The following GPBP1L1 variants were observed in gnomAD, a reference collection of about 807,000 sequenced individuals.
GPBP1L1 encodes the protein GC-rich promoter binding protein 1 like 1.
GPBP1L1 carries 23 observed loss-of-function variants against 52.5 expected under a neutral mutation model. The observed-to-expected ratio is 0.44, with a 90% confidence interval of 0.32 to 0.62. GPBP1L1 has a LOEUF of 0.62. Ranked by LOEUF, GPBP1L1 falls within the 20% of genes least tolerant of loss-of-function variation. The probability of loss-of-function intolerance (pLI) is 0.06; values close to 1 mark genes in which losing one functional copy is unlikely to be tolerated. For synonymous variants in GPBP1L1, 243 were observed against 203.1 expected (o/e 1.20, Z -1.67); for missense variants, 596 against 579.3 (o/e 1.03, Z -0.30).
At chr1:45,651,620 AG>A in intron 6 of GPBP1L1, 1 of 686,720 alleles carries the variant, frequency 1.5e-6, no homozygotes, top group Non-Finnish European at 2.7e-6. Context: ...CTGCATATAG[AG>A]GATGGCTCTC....
chr1:45,650,783 G>A (rs1385627897), intron 6 of GPBP1L1, among the ~76,000 whole-genome samples: 1 of 152,026 alleles, frequency 6.6e-6, no homozygotes, highest in Non-Finnish European at 1.5e-5. Context: ...TCTTTCCAAT[G>A]TATTACTCTC....
intron 2 of GPBP1L1, among the ~76,000 whole-genome samples, chr1:45,666,137 T>C (rs1360302182): frequency 2.6e-5 from 4 of 151,392 alleles, no homozygotes; most frequent in Admixed American, 2.6e-4. Flanking sequence ...CAAACACTTT[T>C]TTTTTTTAGA....
chr1:45,647,948 T>C (rs942161560), intron 6 of GPBP1L1, among the ~76,000 whole-genome samples: 2 of 152,056 alleles, frequency 1.3e-5, no homozygotes, highest in African/African-American at 4.8e-5. Flanking sequence ...TATGTTTTTT[T>C]CTTTTTTTTT....
chr1:45,681,468 T>C (rs186029193), intron 2 of GPBP1L1, among the ~76,000 whole-genome samples: 5 of 152,240 alleles, frequency 3.3e-5, no homozygotes, highest in Admixed American at 2.6e-4. Context: ...TGGCAGCCAA[T>C]TGCAGTTTGT....
chr1:45,635,930 A>G (rs1245407173), intron 8 of GPBP1L1, among the ~76,000 whole-genome samples: 1 of 152,168 alleles, frequency 6.6e-6, no homozygotes, highest in African/African-American at 2.4e-5. Flanking sequence ...CCTTATTGAA[A>G]TTAGGAGAAA....
At chr1:45,663,520 T>C (rs371328950) in intron 2 of GPBP1L1, among the ~76,000 whole-genome samples, 2 of 152,134 alleles carry the variant, frequency 1.3e-5, no homozygotes, top group African/African-American at 4.8e-5. Context: ...CTACTAACAA[T>C]TACTCACCCA....
intron 8 of GPBP1L1, chr1:45,635,579 C>T (rs181972891): frequency 6.6e-6 from 1 of 152,270 alleles, no homozygotes; most frequent in Admixed American, 6.5e-5. Context: ...GTAACTTAAA[C>T]CCTATGAGAT....
intron 9 of GPBP1L1, 41 bp downstream of exon 9, chr1:45,634,055 G>T: frequency 6.4e-7 from 1 of 1,552,424 alleles, no homozygotes; most frequent in South Asian, 1.2e-5. Flanking sequence ...AACGGGAAAT[G>T]GCAATTTCAG....
intron 2 of GPBP1L1, among the ~76,000 whole-genome samples, chr1:45,685,265 C>T (rs1336925892): frequency 1.3e-5 from 2 of 152,130 alleles, no homozygotes; most frequent in Non-Finnish European, 2.9e-5. Flanking sequence ...TACTAAATTA[C>T]AAATATAAGT....
At chr1:45,686,158 T>C (rs1034448524) in intron 1 of GPBP1L1, among the ~76,000 whole-genome samples, 10 of 152,216 alleles carry the variant, frequency 6.6e-5, no homozygotes, top group African/African-American at 2.4e-4. Context: ...GAAGTTAAAG[T>C]AGGAGCGCTT....
intron 8 of GPBP1L1, chr1:45,635,499 A>G (rs1644582578): frequency 6.6e-6 from 1 of 152,226 alleles, no homozygotes; most frequent in Non-Finnish European, 1.5e-5. Context: ...ACAGTAGTAC[A>G]AAAGATTTAC....
intron 2 of GPBP1L1, among the ~76,000 whole-genome samples, chr1:45,682,612 C>A (rs1178020145): frequency 6.6e-6 from 1 of 152,146 alleles, no homozygotes; most frequent in Non-Finnish European, 1.5e-5. Context: ...TACTCCCAAT[C>A]CCTAGTTTCT....
chr1:45,673,282 T>G (rs1263827771), intron 2 of GPBP1L1, among the ~76,000 whole-genome samples: 7 of 152,176 alleles, frequency 4.6e-5, no homozygotes, highest in Non-Finnish European at 8.8e-5. Flanking sequence ...CAGCAAGACC[T>G]TCAGCTAAAA....
At chr1:45,655,439 T>A in intron 4 of GPBP1L1, 120 bp from the exon 5 acceptor site, 1 of 1,153,566 alleles carries the variant, frequency 8.7e-7, no homozygotes, top group African/African-American at 1.5e-5. Context: ...GAAACTCATA[T>A]TGTAAGCATA....
intron 6 of GPBP1L1, chr1:45,651,725 C>A (rs751123171): frequency 1.6e-5 from 7 of 434,574 alleles, no homozygotes; most frequent in Non-Finnish European, 2.9e-5. Flanking sequence ...ATTCTTAGGC[C>A]TTTTCTTAAA....
At chr1:45,679,013 T>C (rs1381568192) in intron 2 of GPBP1L1, among the ~76,000 whole-genome samples, 1 of 152,202 alleles carries the variant, frequency 6.6e-6, no homozygotes, top group Non-Finnish European at 1.5e-5. Context: ...TATTTTTGCA[T>C]ATCTATATAG....
At chr1:45,662,808 T>C (rs1644962147) in intron 2 of GPBP1L1, among the ~76,000 whole-genome samples, 1 of 152,052 alleles carries the variant, frequency 6.6e-6, no homozygotes, top group Non-Finnish European at 1.5e-5. Flanking sequence ...TCCCAGCACT[T>C]TGGGAGACCG....
rs60435928 is a variant in GPBP1L1 at position 45,639,574 on chromosome 1, TAAA to T, written c.744+633_744+635del. Among the ~76,000 whole-genome samples the T allele has an allele frequency of 2.2e-3, 290 of 130,116 alleles. 3 individuals are homozygous for T. Among genetic ancestry groups the T allele is most frequent in the African/African-American group, 7.3e-3 (255 of 35,052 alleles). 85.4% of individuals were successfully genotyped at this position (130,116 alleles called of 152,430 possible). A position where few individuals can be genotyped will look rare whatever the true frequency, so the allele number is the denominator to read the frequency against. On this transcript the variant is annotated intron_variant, in intron 8 of 12. Transcript: ENST00000355105. ...AGATTCTGTCTCTACAAAAAATAATTAAAAAAAAAAAAAAAAAAATGGCTGGGC... is the reference window on the plus strand; with the variant it reads ...AGATTCTGTCTCTACAAAAAATAATTAAAAAAAAAAAAAAAATGGCTGGGC...
rs1450946944 is a variant in GPBP1L1 at position 45,660,745 on chromosome 1, T to G, written c.-617A>C. ...ATACAAATCTCATTACTCTTACTCA[T>G]GCAACTGCTAAAAAATAGTGTGCAG... On this transcript the variant is annotated 5_prime_UTR_variant, in exon 3 of 13. The change abolishes an upstream ATG in the 5' untranslated region. Transcript: ENST00000355105. The G allele has an allele frequency of 6.3e-6, 1 of 157,720 alleles. No individual in the cohort carries two copies. Among genetic ancestry groups the G allele is most frequent in the African/African-American group, 2.4e-5 (1 of 41,516 alleles). 9.8% of individuals were successfully genotyped at this position (157,720 alleles called of 1,614,324 possible). A position where few individuals can be genotyped will look rare whatever the true frequency, so the allele number is the denominator to read the frequency against.
Sources: gnomAD v4.1 joint callset for allele counts (sites outside exome capture counted in the v4.1 genomes callset) on GRCh38, gnomAD v4.1.1 for gene constraint, MANE v1.5 for transcripts, NCBI Gene and HGNC (gene_info 2026-07-23, HGNC 2026-07-21) for gene names.